SRGAP3: variants seen among roughly 807,000 people sequenced by gnomAD.
SRGAP3 encodes SLIT-ROBO Rho GTPase-activating protein 3.
A neutral mutation model predicts 121.1 loss-of-function variants in SRGAP3; 39 were observed. The observed-to-expected ratio is 0.32, with a 90% confidence interval of 0.25 to 0.42. SRGAP3 has a LOEUF of 0.42. Among genes scored for constraint, SRGAP3 ranks in the 10% least tolerant of loss-of-function variants. The pLI is 1.00. For synonymous variants in SRGAP3, 601 were observed against 570.0 expected (o/e 1.05, Z -0.77); for missense variants, 1,213 against 1,470.6 (o/e 0.82, Z 2.86).
intron 1 of SRGAP3, among the ~76,000 whole-genome samples, chr3:9,221,201 A>G (rs1396837586): frequency 1.3e-5 from 2 of 152,108 alleles, no homozygotes; most frequent in Non-Finnish European, 2.9e-5. Context: ...TCTTCAGCAA[A>G]GCTTCCTGCT....
At chr3:9,170,393 G>A (rs1950933580) in intron 1 of SRGAP3, among the ~76,000 whole-genome samples, 1 of 152,200 alleles carries the variant, frequency 6.6e-6, no homozygotes, top group Admixed American at 6.5e-5. Flanking sequence ...CCTCGGAGTA[G>A]TAGTGCGGGG....
chr3:9,258,797 T>G (rs2648514), intron 3 of SRGAP3, among the ~76,000 whole-genome samples: 2 of 151,980 alleles, frequency 1.3e-5, no homozygotes, highest in Admixed American at 6.5e-5. Flanking sequence ...AAGGCCTCAA[T>G]TTCTCCCACC....
At chr3:9,308,726 T>A (rs1196565024) in intron 3 of SRGAP3, among the ~76,000 whole-genome samples, 2 of 152,188 alleles carry the variant, frequency 1.3e-5, no homozygotes, top group Non-Finnish European at 2.9e-5. Context: ...CAGAGGCTGA[T>A]GGAAATGATG....
intron 1 of SRGAP3, among the ~76,000 whole-genome samples, chr3:9,211,140 G>C (rs769453226): frequency 1.3e-5 from 2 of 152,072 alleles, no homozygotes; most frequent in Non-Finnish European, 2.9e-5. Context: ...GGTGTTGAGG[G>C]GGGAGAAGTG....
At chr3:9,353,609 GA>G (rs2030317929) in intron 1 of SRGAP3, among the ~76,000 whole-genome samples, 1 of 152,236 alleles carries the variant, frequency 6.6e-6, no homozygotes, top group Non-Finnish European at 1.5e-5. Context: ...AAGGGCACGG[GA>G]AAAGTAAATA....
chr3:9,120,200 T>C (rs1028174566), intron 2 of SRGAP3, among the ~76,000 whole-genome samples: 2 of 152,250 alleles, frequency 1.3e-5, no homozygotes, highest in African/African-American at 4.8e-5. Context: ...TGGTAGGTGC[T>C]CAATAAATAT....
At chr3:9,254,591 C>T (rs1445803391), upstream of SRGAP3, among the ~76,000 whole-genome samples, 9 of 152,046 alleles carry the variant, frequency 5.9e-5, no homozygotes, top group Middle Eastern at 3.4e-3. Flanking sequence ...CTCAGGAGTT[C>T]GAGACCAGTC....
intron 3 of SRGAP3, among the ~76,000 whole-genome samples, chr3:9,307,271 GC>G (rs1302969057): frequency 2.0e-5 from 3 of 152,208 alleles, no homozygotes; most frequent in African/African-American, 7.2e-5. Context: ...ACTGTGCCCA[GC>G]CCCCAGTTAG....
At chr3:9,122,708 C>CA (rs1243147025) in intron 2 of SRGAP3, among the ~76,000 whole-genome samples, 7,863 of 65,852 alleles carry the variant, frequency 0.12, 379 homozygotes, top group African/African-American at 0.21. Context: ...GACTCCGTCT[C>CA]AAAAAAAAAA....
chr3:9,238,868 C>T (rs1476560604), intron 1 of SRGAP3, among the ~76,000 whole-genome samples: 1 of 152,106 alleles, frequency 6.6e-6, no homozygotes, highest in Non-Finnish European at 1.5e-5. Context: ...GAGAGGGGGA[C>T]ACATGAGGAA....
intron 1 of SRGAP3, among the ~76,000 whole-genome samples, chr3:9,173,985 T>C (rs1003738546): frequency 6.6e-6 from 1 of 150,528 alleles, no homozygotes; most frequent in Admixed American, 6.6e-5. Context: ...TCATAATGTG[T>C]CCATCGACGG....
In SRGAP3 at chr3:9,249,212, A is replaced by G. The variant is rs1265995419; in HGVS notation, c.-261T>C. Reference sequence around the variant, plus strand: ...AAAAGAAGAATCACCCTAGGAGCACAGTAACCTGCCCCAGATTTTCAAAGA... The same window carrying G: ...AAAAGAAGAATCACCCTAGGAGCACGGTAACCTGCCCCAGATTTTCAAAGA... On this transcript the variant is annotated 5_prime_UTR_variant, in exon 1 of 22. Coordinates refer to ENST00000383836, the MANE Select transcript of SRGAP3 (RefSeq NM_014850.4). 3 of 557,436 alleles carry G rather than the reference A, an allele frequency of 5.4e-6. No homozygotes were observed. In the East Asian group the frequency reaches 9.1e-5, roughly 17 times the overall value. The allele number at this position is 557,436 out of a possible 1,614,324, so 34.5% of individuals were successfully genotyped here. A position where few individuals can be genotyped will look rare whatever the true frequency, so the allele number is the denominator to read the frequency against.
intron 1 of SRGAP3, among the ~76,000 whole-genome samples, chr3:9,347,630 G>T (rs1317108548): frequency 6.6e-6 from 1 of 152,188 alleles, no homozygotes; most frequent in Non-Finnish European, 1.5e-5. Context: ...AGAGGAGACA[G>T]ATCTTCCTAT....
intron 12 of SRGAP3, among the ~76,000 whole-genome samples, chr3:9,028,293 G>A (rs952597085): frequency 1.3e-5 from 2 of 152,212 alleles, no homozygotes; most frequent in Non-Finnish European, 2.9e-5. Flanking sequence ...CGGCCTGTGG[G>A]GAGAGCCACC....
At chr3:9,304,092 G>A (rs1955115995) in intron 3 of SRGAP3, among the ~76,000 whole-genome samples, 1 of 152,206 alleles carries the variant, frequency 6.6e-6, no homozygotes, top group Non-Finnish European at 1.5e-5. Flanking sequence ...CTCTGTGCCT[G>A]CCTGTGGTAC....
intron 17 of SRGAP3, among the ~76,000 whole-genome samples, chr3:9,010,873 G>T (rs149004274): frequency 3.3e-5 from 5 of 152,168 alleles, no homozygotes; most frequent in Non-Finnish European, 5.9e-5. Context: ...CAAAAGCCCC[G>T]ACTGATGCAG....
At chr3:9,286,760 A>T (rs35565545) in intron 3 of SRGAP3, among the ~76,000 whole-genome samples, 4 of 143,868 alleles carry the variant, frequency 2.8e-5, no homozygotes, top group Non-Finnish European at 4.6e-5. Context: ...CCGCCACCAC[A>T]CCCGGCTAAT....
intron 18 of SRGAP3, among the ~76,000 whole-genome samples, chr3:8,995,133 G>A (rs1349110234): frequency 1.3e-5 from 2 of 152,122 alleles, no homozygotes; most frequent in East Asian, 3.9e-4. Flanking sequence ...AAAGTTAAAT[G>A]AGGTCATAAT....
intron 10 of SRGAP3, among the ~76,000 whole-genome samples, chr3:9,043,115 A>C (rs928679977): frequency 6.6e-6 from 1 of 152,000 alleles, no homozygotes; most frequent in African/African-American, 2.4e-5. Context: ...CTCAGCCCAA[A>C]GTTTTCATTC....
Sources: gnomAD v4.1 joint callset for allele counts (sites outside exome capture counted in the v4.1 genomes callset) on GRCh38, gnomAD v4.1.1 for gene constraint, MANE v1.5 for transcripts, NCBI Gene and HGNC (gene_info 2026-07-23, HGNC 2026-07-21) for gene names.